The following FTCDNL1 variants were observed in gnomAD, a reference collection of about 807,000 sequenced individuals.
FTCDNL1 encodes formiminotransferase cyclodeaminase N-terminal like.
A neutral mutation model predicts 5.9 loss-of-function variants in FTCDNL1; 11 were observed. The ratio of observed to expected loss-of-function variants is 1.87; its 90% confidence interval spans 1.18 to 3.10. The LOEUF is 3.10. Ranked by LOEUF, FTCDNL1 falls within the 30% of genes most tolerant of loss-of-function variation. The pLI is 0.00. For missense variants in FTCDNL1, 115 were observed against 65.5 expected (o/e 1.76, Z -2.61); for synonymous variants, 58 against 24.8 (o/e 2.34, Z -3.99).
the FTCDNL1 span, among the ~76,000 whole-genome samples, chr2:199,680,655 ATAGT>A: frequency 3.1e-4 from 47 of 152,344 alleles, 1 homozygote; most frequent in South Asian, 4.6e-3. Context: ...GAAATTTGTC[ATAGT>A]TAGAGCAGTC....
the FTCDNL1 span, among the ~76,000 whole-genome samples, chr2:199,747,348 G>T: frequency 4.6e-5 from 7 of 152,248 alleles, no homozygotes; most frequent in Non-Finnish European, 8.8e-5. Context: ...TTGCATGGTC[G>T]TAGGGGCGCA....
At chr2:199,800,280 G>A (rs1176525459) in intron 3 of FTCDNL1, among the ~76,000 whole-genome samples, 1 of 152,138 alleles carries the variant, frequency 6.6e-6, no homozygotes, top group African/African-American at 2.4e-5. Context: ...CCTCAAGGAA[G>A]TTACTTAACT....
At chr2:199,794,300 A>G (rs901214945) in intron 3 of FTCDNL1, among the ~76,000 whole-genome samples, 2 of 152,250 alleles carry the variant, frequency 1.3e-5, no homozygotes, top group Non-Finnish European at 2.9e-5. Flanking sequence ...GCATTCCTAC[A>G]CAAAAGTTTA....
intron 3 of FTCDNL1, among the ~76,000 whole-genome samples, chr2:199,783,062 C>A (rs1168151968): frequency 6.6e-6 from 1 of 152,184 alleles, no homozygotes; most frequent in Non-Finnish European, 1.5e-5. Context: ...CTTTGACTTG[C>A]TATTCATGAT....
chr2:199,797,374 C>T (rs189996389), intron 3 of FTCDNL1, among the ~76,000 whole-genome samples: 3 of 152,120 alleles, frequency 2.0e-5, no homozygotes, highest in Non-Finnish European at 4.4e-5. Context: ...AAATTTCATG[C>T]GTTTGAGTGT....
chr2:199,761,937 G>A (rs1202089031), intron 3 of FTCDNL1, among the ~76,000 whole-genome samples: 1 of 152,052 alleles, frequency 6.6e-6, no homozygotes, highest in African/African-American at 2.4e-5. Flanking sequence ...TTATCTTTCA[G>A]TTATTTGTTT....
the FTCDNL1 span, among the ~76,000 whole-genome samples, chr2:199,739,071 A>G: frequency 6.6e-6 from 1 of 152,270 alleles, no homozygotes; most frequent in Non-Finnish European, 1.5e-5. Flanking sequence ...GAAGAAATGC[A>G]AAATTCTTCA....
At chr2:199,802,963 C>A (rs756698642) in intron 3 of FTCDNL1, among the ~76,000 whole-genome samples, 1 of 151,838 alleles carries the variant, frequency 6.6e-6, no homozygotes, top group Non-Finnish European at 1.5e-5. Flanking sequence ...GTAGGAAGAT[C>A]ATTTGAGCTC....
At chr2:199,764,393 T>C (rs1361163199) in intron 3 of FTCDNL1, among the ~76,000 whole-genome samples, 1 of 152,216 alleles carries the variant, frequency 6.6e-6, no homozygotes, top group Non-Finnish European at 1.5e-5. Context: ...ACCTGGACTC[T>C]GGACCCAGGA....
intron 2 of FTCDNL1, among the ~76,000 whole-genome samples, chr2:199,847,914 T>C (rs1000870965): frequency 6.6e-6 from 1 of 152,246 alleles, no homozygotes; most frequent in African/African-American, 2.4e-5. Context: ...TTCTAGCTCC[T>C]GCAAAGTTGC....
chr2:199,754,024 G>A, the FTCDNL1 span, among the ~76,000 whole-genome samples: 25 of 152,274 alleles, frequency 1.6e-4, 1 homozygote, highest in African/African-American at 6.0e-4. Context: ...CCTTTATCTA[G>A]AGGCAAAAGT....
At chr2:199,797,698 T>C (rs903035823) in intron 3 of FTCDNL1, among the ~76,000 whole-genome samples, 1 of 152,186 alleles carries the variant, frequency 6.6e-6, no homozygotes, top group African/African-American at 2.4e-5. Context: ...TTTCAAGTGT[T>C]TGAGAGATTC....
intron 3 of FTCDNL1, among the ~76,000 whole-genome samples, chr2:199,827,531 A>G (rs1472817687): frequency 1.3e-5 from 2 of 152,308 alleles, no homozygotes; most frequent in East Asian, 3.9e-4. Flanking sequence ...ATGTAAGAAA[A>G]TATTCGAATT....
the FTCDNL1 span, among the ~76,000 whole-genome samples, chr2:199,708,463 CA>C: frequency 2.0e-5 from 3 of 152,186 alleles, no homozygotes; most frequent in Non-Finnish European, 2.9e-5. Flanking sequence ...TAATACTAGA[CA>C]TTGTGGATTT....
intron 3 of FTCDNL1, among the ~76,000 whole-genome samples, chr2:199,845,399 T>G (rs1353803662): frequency 6.6e-6 from 1 of 151,988 alleles, no homozygotes; most frequent in Non-Finnish European, 1.5e-5. Context: ...AATCCCCATC[T>G]CTACTGAAAA....
chr2:199,844,743 T>TC (rs892033989), intron 3 of FTCDNL1, among the ~76,000 whole-genome samples: 8 of 152,138 alleles, frequency 5.3e-5, no homozygotes, highest in African/African-American at 1.9e-4. Flanking sequence ...AGCTTTTTCC[T>TC]CCCCAAAGTG....
At chr2:199,725,597 C>A in the FTCDNL1 span, among the ~76,000 whole-genome samples, 2 of 152,174 alleles carry the variant, frequency 1.3e-5, no homozygotes, top group East Asian at 3.8e-4. Context: ...TGAATTCCCT[C>A]AGCATTTGCT....
At chr2:199,736,210 GGGTGCA>G in the FTCDNL1 span, among the ~76,000 whole-genome samples, 1 of 152,214 alleles carries the variant, frequency 6.6e-6, no homozygotes, top group African/African-American at 2.4e-5. Flanking sequence ...ATAAAGAGAT[GGGTGCA>G]GGTTAAGTGG....
chr2:199,665,896 A>ACT, the FTCDNL1 span, among the ~76,000 whole-genome samples: 151,672 of 152,238 alleles, frequency 1, 75,560 homozygotes, highest in Middle Eastern at 1. Context: ...AGATTGTGTT[A>ACT]CTGTTTTGTA....
Sources: allele counts gnomAD v4.1 joint callset (sites outside exome capture counted in the v4.1 genomes callset), GRCh38; gene constraint gnomAD v4.1.1; transcripts MANE v1.5; gene names NCBI Gene and HGNC (gene_info 2026-07-23, HGNC 2026-07-21).